The following DTNA variants were observed in gnomAD, a reference collection of about 807,000 sequenced individuals.
DTNA encodes the protein dystrophin-related protein 3.
A neutral mutation model predicts 100.7 loss-of-function variants in DTNA; 43 were observed. That is an observed-to-expected ratio of 0.43 (90% CI 0.33 to 0.55). DTNA has a LOEUF of 0.55. DTNA is among the 20% of genes least tolerant of loss of function. The pLI is 0.04. For missense variants in DTNA, 798 were observed against 953.9 expected (o/e 0.84, Z 2.15); for synonymous variants, 349 against 347.9 (o/e 1.00, Z -0.04).
intron 1 of DTNA, among the ~76,000 whole-genome samples, chr18:34,506,194 C>T (rs1256074822): frequency 6.6e-6 from 1 of 152,216 alleles, no homozygotes; most frequent in African/African-American, 2.4e-5. Flanking sequence ...GGCCTAATGA[C>T]TGCTGGGTCT....
chr18:34,745,716 T>G (rs1232078408), intron 1 of DTNA, among the ~76,000 whole-genome samples: 1 of 152,336 alleles, frequency 6.6e-6, no homozygotes, highest in East Asian at 1.9e-4. Flanking sequence ...CCACTGTAAT[T>G]GGCTGCTGCC....
intron 1 of DTNA, among the ~76,000 whole-genome samples, chr18:34,743,796 T>C (rs2091124350): frequency 6.6e-6 from 1 of 152,168 alleles, no homozygotes; most frequent in South Asian, 2.1e-4. Context: ...CTATCCTTCT[T>C]GTACTGACTT....
chr18:34,673,272 A>G (rs2145163305), intron 1 of DTNA, among the ~76,000 whole-genome samples: 1 of 151,836 alleles, frequency 6.6e-6, no homozygotes, highest in Non-Finnish European at 1.5e-5. Context: ...TATTAGTATT[A>G]TTATTATTAT....
chr18:34,602,928 G>T (rs2147241156), intron 1 of DTNA, among the ~76,000 whole-genome samples: 1 of 151,862 alleles, frequency 6.6e-6, no homozygotes, highest in East Asian at 1.9e-4. Context: ...GCCTGAACCG[G>T]TGAGGCAGAG....
intron 1 of DTNA, among the ~76,000 whole-genome samples, chr18:34,742,455 T>C (rs2090825190): frequency 1.3e-5 from 2 of 152,054 alleles, no homozygotes; most frequent in South Asian, 4.1e-4. Context: ...CATCTTCGAA[T>C]CCTCTCTCAA....
In DTNA at chr18:34,890,503, GTTTC is replaced by G; in HGVS notation, c.*2776_*2779del. On this transcript the variant is annotated 3_prime_UTR_variant, in exon 23 of 23. Transcript: ENST00000444659. ...GATACAACTACATCTTGCGGGGGTTGTTTCTTTCTTGTTCCACAATGAATTGCAC... is the reference window on the plus strand; with the variant it reads ...GATACAACTACATCTTGCGGGGGTTGTTTCTTGTTCCACAATGAATTGCAC... The G allele has an allele frequency of 2.0e-6, 3 of 1,531,762 alleles. No individual in the cohort carries two copies. Among genetic ancestry groups the G allele is most frequent in the Non-Finnish European group, 2.6e-6 (3 of 1,144,276 alleles). The allele number at this position is 1,531,762 out of a possible 1,614,324, so 94.9% of individuals were successfully genotyped here.
intron 17 of DTNA, among the ~76,000 whole-genome samples, chr18:34,873,904 C>T (rs1276684674): frequency 1.3e-5 from 2 of 152,162 alleles, no homozygotes; most frequent in African/African-American, 2.4e-5. Flanking sequence ...GCAAAGTTCT[C>T]TTCCTTGGGC....
intron 1 of DTNA, among the ~76,000 whole-genome samples, chr18:34,610,614 G>A (rs890489742): frequency 6.6e-6 from 1 of 152,194 alleles, no homozygotes; most frequent in African/African-American, 2.4e-5. Context: ...ATAAGTAACA[G>A]TGCACACTTG....
intron 17 of DTNA, among the ~76,000 whole-genome samples, chr18:34,869,626 T>C (rs979159974): frequency 6.6e-6 from 1 of 152,240 alleles, no homozygotes; most frequent in Non-Finnish European, 1.5e-5. Context: ...AGATGTTCTA[T>C]ATGAGTGCAA....
chr18:34,675,909 A>G (rs1376924689), intron 1 of DTNA, among the ~76,000 whole-genome samples: 1 of 152,196 alleles, frequency 6.6e-6, no homozygotes, highest in African/African-American at 2.4e-5. Flanking sequence ...TCTGGTGTGA[A>G]GAGACAATGA....
intron 1 of DTNA, among the ~76,000 whole-genome samples, chr18:34,745,019 A>G (rs2091336269): frequency 6.6e-6 from 1 of 152,132 alleles, no homozygotes; most frequent in African/African-American, 2.4e-5. Flanking sequence ...AATAATACCA[A>G]CCTTATGGTG....
chr18:34,531,628 A>G (rs1184742712), intron 1 of DTNA, among the ~76,000 whole-genome samples: 1 of 152,122 alleles, frequency 6.6e-6, no homozygotes, highest in African/African-American at 2.4e-5. Flanking sequence ...AAAATATTTA[A>G]TAAGACTCTG....
intron 1 of DTNA, among the ~76,000 whole-genome samples, chr18:34,692,259 G>A (rs962082579): frequency 4.6e-5 from 7 of 152,154 alleles, no homozygotes; most frequent in African/African-American, 1.7e-4. Context: ...GCTCCGTTCT[G>A]GGGAAGGAAA....
chr18:34,516,953 T>G (rs1195258553), intron 1 of DTNA, among the ~76,000 whole-genome samples: 1 of 152,122 alleles, frequency 6.6e-6, no homozygotes, highest in African/African-American at 2.4e-5. Context: ...GAGTATTGAT[T>G]GGGGAAGTGA....
chr18:34,608,496 A>G (rs2053574970), intron 1 of DTNA, among the ~76,000 whole-genome samples: 1 of 150,012 alleles, frequency 6.7e-6, no homozygotes, highest in Non-Finnish European at 1.5e-5. Flanking sequence ...GACAAAAGGG[A>G]CAAAAGTATT....
intron 1 of DTNA, among the ~76,000 whole-genome samples, chr18:34,566,334 G>A (rs2146322102): frequency 6.6e-6 from 1 of 151,646 alleles, no homozygotes. Flanking sequence ...TAAGTAGTAT[G>A]AAACCTGCAT....
In DTNA at chr18:34,888,402, C is replaced by G; in HGVS notation, c.*668C>G. ...TGGCCTGCACGGTCTGTAGTTGACT[C>G]CAAGTCTCTGTGAGCAGTGACTTGA... is the stretch of plus-strand genomic sequence containing the variant. On this transcript the variant is annotated 3_prime_UTR_variant, in exon 23 of 23. Transcript: ENST00000444659. 1 of 985,794 alleles carries G rather than the reference C, an allele frequency of 1.0e-6. No individual in the cohort carries two copies. The highest frequency in any genetic ancestry group is 1.2e-6 in the Non-Finnish European group (1 of 829,926). 61.1% of individuals were successfully genotyped at this position (985,794 alleles called of 1,614,324 possible).
intron 1 of DTNA, among the ~76,000 whole-genome samples, chr18:34,745,715 T>C (rs1300193324): frequency 6.6e-6 from 1 of 152,210 alleles, no homozygotes; most frequent in Non-Finnish European, 1.5e-5. Context: ...TCCACTGTAA[T>C]TGGCTGCTGC....
chr18:34,624,960 C>T (rs916207170), intron 1 of DTNA, among the ~76,000 whole-genome samples: 1 of 152,116 alleles, frequency 6.6e-6, no homozygotes, highest in African/African-American at 2.4e-5. Flanking sequence ...CCTCTGCCTC[C>T]TGGGTTCAAG....
Sources: allele counts gnomAD v4.1 joint callset (sites outside exome capture counted in the v4.1 genomes callset), GRCh38; gene constraint gnomAD v4.1.1; transcripts MANE v1.5; gene names NCBI Gene and HGNC (gene_info 2026-07-23, HGNC 2026-07-21).